Variants in LRP1B observed in about 807,000 individuals in gnomAD.
LRP1B encodes low-density lipoprotein receptor-related protein 1B.
In LRP1B, 217 loss-of-function variants were observed where a neutral mutation model predicts 556.6. That is an observed-to-expected ratio of 0.39 (90% CI 0.35 to 0.44). The LOEUF (loss-of-function observed/expected upper bound fraction) is 0.44. Among genes scored for constraint, LRP1B ranks in the 20% least tolerant of loss-of-function variants. The pLI, the probability that LRP1B is intolerant of heterozygous loss-of-function variation, is 1.00. For missense variants in LRP1B, 5,053 were observed against 5,620.8 expected, an observed-to-expected ratio of 0.90 and a Z score of 3.23; for synonymous variants, 2,047 against 1,865.8, an observed-to-expected ratio of 1.10 and a Z score of -2.50.
Position 140,294,556 on chromosome 2 carries a change from A to G in LRP1B, c.12967+3252T>C, listed in dbSNP as rs534204970. On this transcript the variant is annotated intron_variant, in intron 84 of 90. Transcript: ENST00000389484. ...GAATTTGAACAATTTCAAAAAGCAA[A>G]TGGTGTTTAAGCTGAGCAGAGTCAC... 3.3e-5 allele frequency among the ~76,000 whole-genome samples: 5 copies of G among 152,278 alleles called. No individual in the cohort carries two copies. In the South Asian group the frequency reaches 1.0e-3, roughly 32 times the overall value.
chr2:141,651,181 A>G (rs1689775452), intron 2 of LRP1B, among the ~76,000 whole-genome samples: 1 of 152,128 alleles, frequency 6.6e-6, no homozygotes, highest in Non-Finnish European at 1.5e-5. Flanking sequence ...ATATGGTTCT[A>G]TTTCTCAATA....
chr2:141,302,366 A>C (rs946366112), intron 3 of LRP1B, among the ~76,000 whole-genome samples: 3 of 152,078 alleles, frequency 2.0e-5, no homozygotes, highest in Admixed American at 2.0e-4. Context: ...AAGTCTACCC[A>C]AACAGTATTC....
chr2:141,316,328 A>G (rs907388218), intron 3 of LRP1B, among the ~76,000 whole-genome samples: 25 of 152,208 alleles, frequency 1.6e-4, no homozygotes, highest in Admixed American at 3.3e-4. Context: ...TATTGCAATG[A>G]GAAAGTTCCT....
intron 35 of LRP1B, among the ~76,000 whole-genome samples, chr2:140,748,524 G>C (rs191667596): frequency 0.046 from 4,733 of 103,284 alleles, 174 homozygotes; most frequent in South Asian, 0.1. Context: ...ATCACATCTG[G>C]TGTTCAAAAT....
intron 1 of LRP1B, among the ~76,000 whole-genome samples, chr2:142,078,209 C>T (rs773750198): frequency 5.9e-5 from 9 of 152,044 alleles, no homozygotes; most frequent in Non-Finnish European, 1.3e-4. Flanking sequence ...TACATTTTCT[C>T]AACCTCCTCT....
At chr2:140,716,529 G>A (rs1237628621) in intron 36 of LRP1B, among the ~76,000 whole-genome samples, 153 bp downstream of exon 36, 1 of 152,002 alleles carries the variant, frequency 6.6e-6, no homozygotes, top group Non-Finnish European at 1.5e-5. Flanking sequence ...ACATTAGAAG[G>A]AGCGAAGCCA....
intron 2 of LRP1B, among the ~76,000 whole-genome samples, chr2:141,574,478 A>C (rs1345711229): frequency 6.6e-6 from 1 of 152,170 alleles, no homozygotes; most frequent in Non-Finnish European, 1.5e-5. Flanking sequence ...ACAAACCCAC[A>C]GCGTCAGTAT....
chr2:141,765,466 G>C (rs1694703939), intron 2 of LRP1B, among the ~76,000 whole-genome samples: 1 of 151,986 alleles, frequency 6.6e-6, no homozygotes, highest in East Asian at 1.9e-4. Flanking sequence ...ATTGAGGCCA[G>C]ATTGCTCAAT....
At chr2:140,985,000 A>T (rs1696876243) in intron 17 of LRP1B, among the ~76,000 whole-genome samples, 1 of 152,132 alleles carries the variant, frequency 6.6e-6, no homozygotes, top group South Asian at 2.1e-4. Context: ...CATCAGATCT[A>T]AGTTAGTTTG....
intron 20 of LRP1B, among the ~76,000 whole-genome samples, chr2:140,941,282 C>T (rs1034502883): frequency 6.6e-6 from 1 of 152,088 alleles, no homozygotes. Context: ...TGACTAGACC[C>T]AGCCAAGATA....
intron 1 of LRP1B, among the ~76,000 whole-genome samples, chr2:141,997,390 T>TGTAC (rs199680695): frequency 2.0e-5 from 1 of 50,322 alleles, no homozygotes; most frequent in Non-Finnish European, 3.4e-5. Flanking sequence ...TGTGTGTGTG[T>TGTAC]ACATATATAT....
intron 2 of LRP1B, among the ~76,000 whole-genome samples, chr2:141,809,613 T>G (rs1696270598): frequency 6.6e-6 from 1 of 152,064 alleles, no homozygotes; most frequent in African/African-American, 2.4e-5. Flanking sequence ...ATGTGTAATA[T>G]GGAAAAAGCC....
intron 3 of LRP1B, among the ~76,000 whole-genome samples, chr2:141,421,223 A>G (rs1408561453): frequency 6.6e-6 from 1 of 152,128 alleles, no homozygotes; most frequent in Non-Finnish European, 1.5e-5. Context: ...TCAAAGAAAT[A>G]CACTTTAAAA....
intron 63 of LRP1B, among the ~76,000 whole-genome samples, chr2:140,449,887 G>A (rs1348707170): frequency 6.6e-6 from 1 of 152,144 alleles, no homozygotes; most frequent in Non-Finnish European, 1.5e-5. Flanking sequence ...CAATCTGACA[G>A]TGAAGTATTG....
intron 1 of LRP1B, among the ~76,000 whole-genome samples, chr2:141,955,260 C>G (rs912052092): frequency 2.0e-5 from 3 of 152,128 alleles, no homozygotes; most frequent in African/African-American, 4.8e-5. Flanking sequence ...CATTCATCAT[C>G]TCCCTGAATT....
intron 3 of LRP1B, among the ~76,000 whole-genome samples, chr2:141,478,586 C>A (rs1682799492): frequency 6.6e-6 from 1 of 151,500 alleles, no homozygotes; most frequent in African/African-American, 2.4e-5. Flanking sequence ...CTCAGTCACC[C>A]AGGCTGGAGT....
intron 81 of LRP1B, among the ~76,000 whole-genome samples, chr2:140,322,630 T>C (rs1177739801): frequency 6.6e-6 from 1 of 151,608 alleles, no homozygotes; most frequent in African/African-American, 2.4e-5. Flanking sequence ...TAAAGTGGCT[T>C]CCTTTCCATC....
chr2:140,378,168 A>C lies in LRP1B; in HGVS notation c.10638+12T>G, dbSNP rs1411277032. The C allele has an allele frequency of 7.6e-6, 12 of 1,574,734 alleles. No individual in the cohort carries two copies. The highest frequency in any genetic ancestry group is 1.0e-5 in the Non-Finnish European group (12 of 1,151,720). ...AGCGCTGCTTTCTTTTTGATTTTAC[A>C]AAGATGCCTACCTCATCAGAGCCAT... On this transcript the variant is annotated intron_variant, in intron 68 of 90. Transcript: ENST00000389484.
intron 11 of LRP1B, among the ~76,000 whole-genome samples, chr2:141,038,138 T>TA (rs1698590872): frequency 2.2e-5 from 2 of 90,392 alleles, no homozygotes; most frequent in Non-Finnish European, 5.8e-5. Flanking sequence ...CTAAAAATAA[T>TA]TAAAAAAAAA....
Sources: allele counts gnomAD v4.1 joint callset (sites outside exome capture counted in the v4.1 genomes callset), GRCh38; gene constraint gnomAD v4.1.1; transcripts MANE v1.5; gene names NCBI Gene and HGNC (gene_info 2026-07-23, HGNC 2026-07-21).